The following CENPI variants were observed in gnomAD, a reference collection of about 807,000 sequenced individuals.
CENPI encodes centromere protein I.
CENPI carries 4 observed loss-of-function variants against 60.4 expected under a neutral mutation model. That is an observed-to-expected ratio of 0.07 (90% CI 0.03 to 0.15). CENPI has a LOEUF of 0.15. Among genes scored for constraint, CENPI ranks in the 10% least tolerant of loss-of-function variants. CENPI has a pLI of 1.00. For synonymous variants in CENPI, 157 were observed against 189.4 expected, an observed-to-expected ratio of 0.83 and a Z score of 1.40; for missense variants, 444 against 534.5, an observed-to-expected ratio of 0.83 and a Z score of 1.67.
At chrX:101,143,524 AATATAC>A (rs1227539897) in intron 16 of CENPI, among the ~76,000 whole-genome samples, 1 of 112,184 alleles carries the variant, frequency 8.9e-6, no homozygotes, top group Non-Finnish European at 1.9e-5. Flanking sequence ...GTGAAAAAAA[AATATAC>A]ATATATATAT....
chrX:101,181,500 TCTTATA>T, the CENPI span, among the ~76,000 whole-genome samples: 4 of 112,531 alleles, frequency 3.6e-5, no homozygotes, highest in Admixed American at 2.8e-4. Flanking sequence ...AGTGTACAAG[TCTTATA>T]CTTATTTTAT....
chrX:101,117,630 C>T (rs993657956), intron 6 of CENPI, among the ~76,000 whole-genome samples: 5 of 112,132 alleles, frequency 4.5e-5, no homozygotes, highest in Admixed American at 3.8e-4. Flanking sequence ...GTTTTAATTT[C>T]ACAACCATAC....
At chrX:101,125,271 G>A (rs1279186737) in intron 8 of CENPI, among the ~76,000 whole-genome samples, 2 of 111,464 alleles carry the variant, frequency 1.8e-5, no homozygotes, top group African/African-American at 6.5e-5. Context: ...TATCTATTCT[G>A]CTAACTTGGT....
intron 4 of CENPI, among the ~76,000 whole-genome samples, chrX:101,109,238 G>A (rs1214154606): frequency 9.2e-6 from 1 of 108,185 alleles, no homozygotes; most frequent in Non-Finnish European, 1.9e-5. Flanking sequence ...GCTCCACCAC[G>A]CCCAGCTAAT....
At chrX:101,172,388 T>G in the CENPI span, among the ~76,000 whole-genome samples, 1 of 110,555 alleles carries the variant, frequency 9.0e-6, no homozygotes, top group African/African-American at 3.3e-5. Flanking sequence ...AGCCAAAAGG[T>G]GAAACAATGC....
chrX:101,122,999 A>G (rs1241463548), intron 8 of CENPI, among the ~76,000 whole-genome samples: 2 of 112,814 alleles, frequency 1.8e-5, no homozygotes, highest in Non-Finnish European at 3.7e-5. Context: ...GGAGACACTA[A>G]ATGTCTGGTT....
intron 20 of CENPI, among the ~76,000 whole-genome samples, chrX:101,154,300 G>T (rs1002163627): frequency 9.0e-6 from 1 of 111,645 alleles, no homozygotes; most frequent in Non-Finnish European, 1.9e-5. Flanking sequence ...GGGCATGGTG[G>T]CTCACACCTG....
intron 16 of CENPI, among the ~76,000 whole-genome samples, chrX:101,142,289 C>T (rs1445319791): frequency 8.0e-5 from 9 of 111,918 alleles, no homozygotes; most frequent in Non-Finnish European, 1.9e-5. Flanking sequence ...TAAGTTAAGG[C>T]AGACAATTTA....
the CENPI span, among the ~76,000 whole-genome samples, chrX:101,178,389 T>TTTCTTC: frequency 2.3e-5 from 2 of 85,907 alleles, no homozygotes; most frequent in Non-Finnish European, 4.5e-5. Context: ...TTCTTCTTCT[T>TTTCTTC]TTCTTCTTCT....
rs1364856723 is a variant in CENPI, at chrX:101,127,008, ATACTT to A, written c.778-127_778-123del. 1.9e-5 allele frequency: 12 copies of A among 625,244 alleles called. No individual in the cohort carries two copies. In the East Asian group the frequency reaches 2.2e-4, roughly 11 times the overall value. 51.5% of individuals were successfully genotyped at this position (625,244 alleles called of 1,213,427 possible). On this transcript the variant is annotated intron_variant, in intron 9 of 21. Coordinates refer to ENST00000682095, the MANE Select transcript of CENPI (RefSeq NM_001386188.2). The stretch of plus-strand genomic sequence containing the variant: ...AATAGATTACTAATCAGAAAAAAAA[ATACTT>A]TAAGTGCATTTGTATGGGTGTAAAG...
chrX:101,128,109 C>T (rs2089755283), intron 11 of CENPI, among the ~76,000 whole-genome samples: 1 of 110,964 alleles, frequency 9.0e-6, no homozygotes. Flanking sequence ...CTGAGGCGGG[C>T]AGATCACCTG....
chrX:101,102,403 G>A lies in CENPI; in HGVS notation c.356G>A (p.Gly119Asp). The change falls in exon 4 of 22, where the codon GGC (glycine) becomes GAC (aspartate). Residue 119 changes from glycine (G) to aspartate (D), a missense_variant. Gly to Asp is a moderately conservative substitution (Grantham distance 94). Transcript: ENST00000682095. ...IDILLNIALS[G>D]KFGNAVNTRI... is the part of the protein sequence containing the mutation. Reference sequence around the variant, plus strand: ...ATTCTATTAAATATTGCACTCAGTGGCAAATTTGGTATGTTGAGGAAATGC... The same window carrying A: ...ATTCTATTAAATATTGCACTCAGTGACAAATTTGGTATGTTGAGGAAATGC... 3 of 1,160,181 alleles carry A rather than the reference G, an allele frequency of 2.6e-6. No homozygotes were observed. The highest frequency in any genetic ancestry group is 5.0e-5 in the Admixed American group (2 of 40,377).
chrX:101,128,288 G>A (rs1234971096), intron 11 of CENPI, among the ~76,000 whole-genome samples: 1 of 110,946 alleles, frequency 9.0e-6, no homozygotes, highest in Non-Finnish European at 1.9e-5. Flanking sequence ...AGCCGAGATC[G>A]CGCCATTGCA....
chrX:101,140,099 G>T (rs1265755077), intron 15 of CENPI, among the ~76,000 whole-genome samples: 2 of 112,091 alleles, frequency 1.8e-5, no homozygotes, highest in East Asian at 5.6e-4. Flanking sequence ...GCCTCCCAAA[G>T]TGCTGGGATT....
chrX:101,164,869 A>G lies in CENPI; in HGVS notation c.*1902A>G, dbSNP rs755529241. Among the ~76,000 whole-genome samples the G allele has an allele frequency of 1.2e-3, 130 of 112,182 alleles. No individual in the cohort carries two copies. Among genetic ancestry groups the G allele is most frequent in the Admixed American group, 2.3e-3 (24 of 10,476 alleles). The stretch of plus-strand genomic sequence containing the variant: ...ATCTTTGCATCCCGGGATGAATCCC[A>G]CTGGGACAGAATGTGGAGAGGGTTG... On this transcript the variant is annotated 3_prime_UTR_variant, in exon 22 of 22. Transcript: ENST00000682095.
chrX:101,162,473 A>AATATATATATATATATATATATATATAT (rs1556409815), intron 21 of CENPI, among the ~76,000 whole-genome samples: 10 of 68,102 alleles, frequency 1.5e-4, no homozygotes, highest in African/African-American at 6.9e-4. Context: ...AAAAAAAAAA[A>AATATATATATATATATATATATATATAT]ATATATATAT....
the CENPI span, among the ~76,000 whole-genome samples, chrX:101,181,290 G>T: frequency 1.8e-5 from 2 of 111,534 alleles, no homozygotes; most frequent in Non-Finnish European, 3.8e-5. Context: ...GCTTTTCTGG[G>T]TCCCTTACAT....
intron 8 of CENPI, among the ~76,000 whole-genome samples, 164 bp from the exon 9 acceptor site, chrX:101,126,545 T>G (rs1239377843): frequency 1.8e-5 from 2 of 112,177 alleles, no homozygotes; most frequent in Admixed American, 1.9e-4. Flanking sequence ...GGTGGTTGAC[T>G]TAAATGTCTG....
intron 4 of CENPI, 105 bp downstream of exon 4, chrX:101,102,516 C>CACACACACATAT (rs778560144): frequency 1.8e-3 from 378 of 210,390 alleles, no homozygotes; most frequent in Non-Finnish European, 1.9e-3. Flanking sequence ...CACACACACA[C>CACACACACATAT]ATATATATAT....
Sources: gnomAD v4.1 joint callset for allele counts (sites outside exome capture counted in the v4.1 genomes callset) on GRCh38, gnomAD v4.1.1 for gene constraint, MANE v1.5 for transcripts, NCBI Gene and HGNC (gene_info 2026-07-23, HGNC 2026-07-21) for gene names.